The following CEP120 variants were observed in gnomAD, a reference collection of about 807,000 sequenced individuals.
CEP120 encodes centrosomal protein 120.
Under a neutral mutation model 126.5 loss-of-function variants are expected in CEP120, and 113 were observed. The observed-to-expected ratio is 0.89, with a 90% CI of 0.77 to 1.04. The LOEUF is 1.04. Among genes scored for constraint, CEP120 ranks in the 50% least tolerant of loss-of-function variants. CEP120 has a pLI of 0.00. For synonymous variants in CEP120, 400 were observed against 394.3 expected (o/e 1.01, Z -0.17); for missense variants, 1,230 against 1,155.7 (o/e 1.06, Z -0.93).
intron 5 of CEP120, among the ~76,000 whole-genome samples, chr5:123,398,546 G>C (rs556729881): frequency 6.6e-6 from 1 of 152,278 alleles, no homozygotes; most frequent in South Asian, 2.1e-4. Flanking sequence ...ACTATGTGTA[G>C]AGCAACCACC....
In CEP120 at chr5:123,418,383, T is replaced by C; in HGVS notation, c.182A>G (p.Asp61Gly). The part of the protein sequence containing the change: ...EFATELAWEI[D>G]RKALHQHRLQ... ...CCTGTGCTGATGAAGCGCTTTCCTG[T>C]CAATTTCCCAAGCTAACTCAGTAGC... Residue 61 changes from aspartate to glycine, a missense_variant, in exon 2 of 20, where the codon GAC becomes GGC. Transcript: ENST00000306467. 1 of 1,605,146 alleles carries C rather than the reference T, an allele frequency of 6.2e-7. No homozygotes were observed. Among genetic ancestry groups the C allele is most frequent in the Non-Finnish European group, 8.5e-7 (1 of 1,174,486 alleles).
In CEP120 at chr5:123,394,602, C is replaced by T. The variant is rs144245529; in HGVS notation, c.613-1105G>A. On this transcript the variant is annotated intron_variant, in intron 5 of 19. Transcript: ENST00000306467. ...GGGTTGAGGATCCCTCTCTAAGATA[C>T]ACTGTTGGCTTAAAAAAATTACAGG... 4.9e-3 allele frequency among the ~76,000 whole-genome samples: 742 copies of T among 152,308 alleles called. 7 individuals are homozygous for T. The highest frequency in any genetic ancestry group is 0.018 in the South Asian group (89 of 4,828).
intron 6 of CEP120, among the ~76,000 whole-genome samples, chr5:123,391,778 A>C (rs1280029220): frequency 1.3e-5 from 2 of 152,164 alleles, no homozygotes; most frequent in Non-Finnish European, 2.9e-5. Flanking sequence ...TTTGGAATTT[A>C]AAAACCTCAA....
chr5:123,365,625 T>G (rs1296438948), intron 17 of CEP120, among the ~76,000 whole-genome samples: 1 of 151,730 alleles, frequency 6.6e-6, no homozygotes, highest in Non-Finnish European at 1.5e-5. Context: ...TGCTTGGATT[T>G]AAATGTGTTG....
chr5:123,384,320 G>A (rs188625748), intron 11 of CEP120, among the ~76,000 whole-genome samples: 2 of 151,872 alleles, frequency 1.3e-5, no homozygotes, highest in East Asian at 1.9e-4. Flanking sequence ...TATCTTTAAT[G>A]ATAAAGGGCA....
In CEP120 at chr5:123,418,377, T is replaced by G. The variant is rs1192511699; in HGVS notation, c.188A>C (p.Lys63Thr). Residue 63 changes from lysine to threonine, a missense_variant, in exon 2 of 20, where the codon AAA becomes ACA. Physicochemically the swap from Lys to Thr is moderately conservative, Grantham distance 78. Coordinates refer to ENST00000306467, the MANE Select transcript of CEP120 (RefSeq NM_001375405.1). Reference sequence around the variant, plus strand: ...TAATCACCTGTGCTGATGAAGCGCTTTCCTGTCAATTTCCCAAGCTAACTC... The same window carrying G: ...TAATCACCTGTGCTGATGAAGCGCTGTCCTGTCAATTTCCCAAGCTAACTC... ...ATELAWEIDR[K>T]ALHQHRLQRT... The G allele has an allele frequency of 1.9e-6, 3 of 1,604,386 alleles. No homozygotes were observed. The highest frequency in any genetic ancestry group is 1.7e-6 in the Non-Finnish European group (2 of 1,174,176).
chr5:123,382,782 C>G lies in CEP120; in HGVS notation c.1968G>C (p.Glu656Asp). The change falls in exon 13 of 20, where the codon GAG becomes GAC. Residue 656 changes from glutamate to aspartate, a missense_variant. Physicochemically the swap from Glu to Asp is conservative, Grantham distance 45. Transcript: ENST00000306467. ...CTTGCATCTCCTTCCACATTTCTAGCTCAAGTGCTGCTTTGTATTCTAACG... is the reference window on the plus strand; with the variant it reads ...CTTGCATCTCCTTCCACATTTCTAGGTCAAGTGCTGCTTTGTATTCTAACG... ...RETLEYKAAL[E>D]LEMWKEMQED... The G allele has an allele frequency of 6.2e-7, 1 of 1,613,236 alleles. No individual in the cohort carries two copies. Among genetic ancestry groups the G allele is most frequent in the Non-Finnish European group, 8.5e-7 (1 of 1,179,588 alleles).
chr5:123,365,947 T>A (rs1414514886), intron 17 of CEP120, among the ~76,000 whole-genome samples: 1 of 151,110 alleles, frequency 6.6e-6, no homozygotes, highest in Non-Finnish European at 1.5e-5. Context: ...TCAGAAAAAA[T>A]TGTGGATAGG....
chr5:123,376,631 A>AGAAG (rs1771245738), intron 16 of CEP120, among the ~76,000 whole-genome samples: 1 of 152,100 alleles, frequency 6.6e-6, no homozygotes. Context: ...ATTTACAGGT[A>AGAAG]GAAGGTCAAG....
At chr5:123,386,711 TG>T in intron 9 of CEP120, 44 bp from the exon 10 acceptor site, 1 of 1,303,164 alleles carries the variant, frequency 7.7e-7, no homozygotes, top group Non-Finnish European at 1.0e-6. Flanking sequence ...CTTAATGATA[TG>T]GTTTACAGAT....
intron 4 of CEP120, among the ~76,000 whole-genome samples, chr5:123,411,563 T>C (rs1449188216): frequency 2.6e-5 from 4 of 152,192 alleles, no homozygotes; most frequent in African/African-American, 7.2e-5. Flanking sequence ...CATGCACTTA[T>C]GACTAAGGGA....
At chr5:123,401,155 C>T in intron 4 of CEP120, 1 of 1,609,714 alleles carries the variant, frequency 6.2e-7, no homozygotes, top group East Asian at 2.2e-5. Flanking sequence ...CTCTCCTCGC[C>T]CTCCAGCAGC....
chr5:123,373,602 G>C (rs1771006300), intron 16 of CEP120, among the ~76,000 whole-genome samples: 1 of 152,062 alleles, frequency 6.6e-6, no homozygotes, highest in Non-Finnish European at 1.5e-5. Context: ...TCTACTTATG[G>C]AGAAGGCCTA....
Position 123,382,747 on chromosome 5 carries a change from A to T in CEP120, c.2003T>A (p.Phe668Tyr), listed in dbSNP as rs1389953170. The T allele has an allele frequency of 6.2e-7, 1 of 1,611,380 alleles. No homozygotes were observed. Among genetic ancestry groups the T allele is most frequent in the Non-Finnish European group, 8.5e-7 (1 of 1,178,930 alleles). The change falls in exon 13 of 20, where the codon TTT becomes TAT. Residue 668 changes from phenylalanine to tyrosine, a missense_variant. By Grantham distance (22) the Phe-to-Tyr change is conservative. Transcript: ENST00000306467. ...CATTTAAAAAGTAACCTGATTTTCAAATATATCTTCTTGCATCTCCTTCCA... is the reference window on the plus strand; with the variant it reads ...CATTTAAAAAGTAACCTGATTTTCATATATATCTTCTTGCATCTCCTTCCA... ...EMWKEMQEDI[F>Y]ENQLKQKELA...
At chr5:123,389,552 G>C (rs1772250155) in intron 8 of CEP120, among the ~76,000 whole-genome samples, 1 of 152,206 alleles carries the variant, frequency 6.6e-6, no homozygotes, top group African/African-American at 2.4e-5. Flanking sequence ...CCAGGCTGGA[G>C]TGCAATGGCG....
At chr5:123,359,601 T>C (rs1580641643) in intron 18 of CEP120, among the ~76,000 whole-genome samples, 1 of 152,056 alleles carries the variant, frequency 6.6e-6, no homozygotes, top group Admixed American at 6.6e-5. Context: ...GTCTAACAAG[T>C]AGAACTTTTA....
intron 4 of CEP120, chr5:123,400,933 C>T (rs1425493208): frequency 4.5e-6 from 7 of 1,550,214 alleles, no homozygotes; most frequent in South Asian, 1.1e-5. Flanking sequence ...TTGGGCAGGA[C>T]GTCAGAGGAC....
intron 18 of CEP120, among the ~76,000 whole-genome samples, chr5:123,351,710 C>T (rs1769210266): frequency 6.6e-6 from 1 of 152,076 alleles, no homozygotes; most frequent in African/African-American, 2.4e-5. Context: ...TTCACATATA[C>T]CTTGTATACA....
rs1774507881 is a variant in CEP120 at position 123,418,444 on chromosome 5, T to C, written c.121A>G (p.Thr41Ala). The C allele has an allele frequency of 3.7e-6, 6 of 1,612,690 alleles. No homozygotes were observed. In the African/African-American group the frequency reaches 4.0e-5, roughly 11 times the overall value. ...EAKFDGEQLATDPVDHTDQPE... is the reference protein window; with the variant it reads ...EAKFDGEQLAADPVDHTDQPE... Reference sequence around the variant, plus strand: ...TGGTCAGTGTGGTCCACAGGATCAGTAGCCAACTGTTCTCCATCAAACTTT... The same window carrying C: ...TGGTCAGTGTGGTCCACAGGATCAGCAGCCAACTGTTCTCCATCAAACTTT... The change falls in exon 2 of 20, where the codon ACT (threonine) becomes GCT (alanine). Residue 41 changes from threonine to alanine, a missense_variant. Thr to Ala is a moderately conservative substitution (Grantham distance 58, BLOSUM62 0). Coordinates refer to ENST00000306467, the MANE Select transcript of CEP120 (RefSeq NM_001375405.1).
Sources: allele counts gnomAD v4.1 joint callset (sites outside exome capture counted in the v4.1 genomes callset), GRCh38; gene constraint gnomAD v4.1.1; transcripts MANE v1.5; gene names NCBI Gene and HGNC (gene_info 2026-07-23, HGNC 2026-07-21).